The following PHC2 variants were observed in gnomAD, a reference collection of about 807,000 sequenced individuals.
The protein encoded by PHC2 is polyhomeotic homolog 2, also known as polyhomeotic-like protein 2.
PHC2 carries 29 observed loss-of-function variants against 87.4 expected under a neutral mutation model. The observed-to-expected ratio is 0.33, with a 90% confidence interval of 0.25 to 0.45. The LOEUF (loss-of-function observed/expected upper bound fraction) is 0.45. Ranked by LOEUF, PHC2 falls within the 20% of genes least tolerant of loss-of-function variation. The probability of loss-of-function intolerance (pLI) is 1.00; values close to 1 mark genes in which losing one functional copy is unlikely to be tolerated. For missense variants in PHC2, 857 were observed against 1,136.7 expected (o/e 0.75, Z 3.54); for synonymous variants, 438 against 461.7 (o/e 0.95, Z 0.66).
At chr1:33,399,597 C>A (rs1376715543) in intron 1 of PHC2, among the ~76,000 whole-genome samples, 2 of 152,160 alleles carry the variant, frequency 1.3e-5, no homozygotes, top group Non-Finnish European at 2.9e-5. Context: ...GTTTTCCAGG[C>A]CTTCACATAA....
At chr1:33,390,700 T>G (rs56304951) in intron 1 of PHC2, among the ~76,000 whole-genome samples, 1 of 140,430 alleles carries the variant, frequency 7.1e-6, no homozygotes, top group African/African-American at 2.5e-5. Context: ...TTTTTTTTTT[T>G]TCTCTGTAAA....
Position 33,382,865 on chromosome 1 carries a change from C to T in PHC2, c.-54-7272G>A, listed in dbSNP as rs1047018972. On this transcript the variant is annotated intron_variant, in intron 1 of 14. Transcript: ENST00000683057. The surrounding 1 kb of genome is among the most constrained non-coding windows in gnomAD (Gnocchi z 4.3). ...TGGATTACAGCTGTGACAGAGGTTC[C>T]GGGAAAGCAGAGGGGAAGGATACTG... is the stretch of plus-strand genomic sequence containing the variant. Among the ~76,000 whole-genome samples the T allele has an allele frequency of 3.3e-5, 5 of 152,106 alleles. No individual in the cohort carries two copies. Among genetic ancestry groups the T allele is most frequent in the Non-Finnish European group, 7.3e-5 (5 of 68,030 alleles).
chr1:33,333,826 C>G (rs1159999698), intron 10 of PHC2: 4 of 427,704 alleles, frequency 9.4e-6, no homozygotes, highest in Admixed American at 4.5e-5. Context: ...GTTCACACAT[C>G]AACAGGCAGG....
intron 14 of PHC2, 115 bp downstream of exon 14, chr1:33,328,755 A>G (rs1646425641): frequency 2.0e-6 from 2 of 994,184 alleles, no homozygotes; most frequent in East Asian, 4.8e-5. Context: ...TCTGCACCCC[A>G]GTTCCTGAAC....
At chr1:33,350,399 G>A (rs936567293) in intron 9 of PHC2, 3 of 152,252 alleles carry the variant, frequency 2.0e-5, no homozygotes, top group African/African-American at 7.2e-5. Flanking sequence ...GGCTGATTGA[G>A]GAAGTGGGTT....
At chr1:33,384,429 T>C (rs1648640881) in intron 1 of PHC2, among the ~76,000 whole-genome samples, 1 of 152,236 alleles carries the variant, frequency 6.6e-6, no homozygotes, top group African/African-American at 2.4e-5. Context: ...GAATTTGAGA[T>C]GGGAAGAGTT....
chr1:33,346,620 G>A, intron 9 of PHC2: 1 of 985,386 alleles, frequency 1.0e-6, no homozygotes, highest in Middle Eastern at 5.2e-4. Context: ...CAGCATTACA[G>A]GAACTGGAGT....
chr1:33,356,276 T>TATATATATAC (rs1557831073), intron 7 of PHC2, among the ~76,000 whole-genome samples: 3 of 59,472 alleles, frequency 5.0e-5, no homozygotes, highest in East Asian at 8.6e-4. Context: ...TATATATATA[T>TATATATATAC]GTATATATAT....
Position 33,349,792 on chromosome 1 carries a change from A to G in PHC2, c.1558+4609T>C, listed in dbSNP as rs1646926868. The G allele has an allele frequency of 1.0e-6, 1 of 976,700 alleles. No individual in the cohort carries two copies. Among genetic ancestry groups the G allele is most frequent in the Non-Finnish European group, 1.2e-6 (1 of 825,542 alleles). 60.5% of individuals were successfully genotyped at this position (976,700 alleles called of 1,614,324 possible). A position where few individuals can be genotyped will look rare whatever the true frequency, so the allele number is the denominator to read the frequency against. ...GTCAACAAAGGGCGGCCGGGGCGCG[A>G]GGCCGGGACGGGGGCGCGAGGCCGG... On this transcript the variant is annotated intron_variant, in intron 9 of 14. Coordinates refer to ENST00000683057, the MANE Select transcript of PHC2 (RefSeq NM_001385109.1). This position sits in a 1 kb window ranked among gnomAD's most constrained non-coding sequence, Gnocchi z 4.2.
Position 33,375,588 on chromosome 1 carries a change from C to T in PHC2, c.-49G>A. ...GGCGCTCGGATGGCAGAAGGGCAGG[C>T]AGATGCTAGGAGGGAAGAGGCAGAA... is the stretch of plus-strand genomic sequence containing the variant. On this transcript the variant is annotated 5_prime_UTR_variant, in exon 2 of 15. Coordinates refer to ENST00000683057, the MANE Select transcript of PHC2 (RefSeq NM_001385109.1). 1.4e-6 allele frequency: 2 copies of T among 1,423,942 alleles called. No homozygotes were observed. The highest frequency in any genetic ancestry group is 1.9e-6 in the Non-Finnish European group (2 of 1,077,446). The allele number at this position is 1,423,942 out of a possible 1,614,324, so 88.2% of individuals were successfully genotyped here. A position where few individuals can be genotyped will look rare whatever the true frequency, so the allele number is the denominator to read the frequency against.
Position 33,368,752 on chromosome 1 carries a change from C to T in PHC2, c.577-130G>A, listed in dbSNP as rs369318045. The stretch of plus-strand genomic sequence containing the variant: ...ATGTGGACTCAGCCACAGGACACAA[C>T]TGTTTAGCCCAGGAGCGGCTATGAG... On this transcript the variant is annotated intron_variant, in intron 5 of 14. Coordinates refer to ENST00000683057, the MANE Select transcript of PHC2 (RefSeq NM_001385109.1). The surrounding 1 kb of genome is among the most constrained non-coding windows in gnomAD (Gnocchi z 6.6). 1.4e-6 allele frequency: 1 copy of T among 711,108 alleles called. No individual in the cohort carries two copies. The highest frequency in any genetic ancestry group is 2.1e-5 in the Admixed American group (1 of 47,158). 44.0% of individuals were successfully genotyped at this position (711,108 alleles called of 1,614,324 possible).
At chr1:33,347,031 T>G in intron 9 of PHC2, 5 of 985,328 alleles carry the variant, frequency 5.1e-6, no homozygotes, top group Non-Finnish European at 3.6e-6. Flanking sequence ...TAACATGCCC[T>G]CTCCCCCTGA....
At chr1:33,325,367 C>T (rs1242947011) in intron 14 of PHC2, 1 of 218,404 alleles carries the variant, frequency 4.6e-6, no homozygotes, top group African/African-American at 2.3e-5. Flanking sequence ...ACTCTTCTGC[C>T]TGGGTTACTG....
At chr1:33,416,588 A>AC (rs1650219635) in intron 1 of PHC2, among the ~76,000 whole-genome samples, 2 of 150,664 alleles carry the variant, frequency 1.3e-5, no homozygotes. Flanking sequence ...AAAAAAGAAA[A>AC]AAAAAAAAAA....
chr1:33,375,619 T>A lies in PHC2; in HGVS notation c.-54-26A>T, dbSNP rs565346222. The A allele has an allele frequency of 3.0e-6, 4 of 1,348,224 alleles. No homozygotes were observed. In the South Asian group the frequency reaches 6.7e-5, roughly 23 times the overall value. The allele number at this position is 1,348,224 out of a possible 1,614,324, so 83.5% of individuals were successfully genotyped here. On this transcript the variant is annotated intron_variant, in intron 1 of 14. Transcript: ENST00000683057. The stretch of plus-strand genomic sequence containing the variant: ...CTAGGAGGGAAGAGGCAGAAGTGAA[T>A]GTTTTGACAGACGCTTACTAGAGAA...
chr1:33,422,670 T>C (rs1266764372), intron 1 of PHC2, among the ~76,000 whole-genome samples: 1 of 152,226 alleles, frequency 6.6e-6, no homozygotes, highest in East Asian at 1.9e-4. Context: ...CGGGCTTTAG[T>C]GTCACCATCT....
intron 1 of PHC2, among the ~76,000 whole-genome samples, chr1:33,376,713 G>A (rs1259505658): frequency 4.6e-5 from 7 of 152,164 alleles, no homozygotes; most frequent in African/African-American, 1.4e-4. Context: ...GGCAGATCAC[G>A]AGGTCAAGAG....
At chr1:33,340,499 T>C (rs571152889) in intron 9 of PHC2, among the ~76,000 whole-genome samples, 78 of 152,280 alleles carry the variant, frequency 5.1e-4, no homozygotes, top group Non-Finnish European at 9.7e-4. Flanking sequence ...AGCACATACC[T>C]GGTCCAAGCA....
chr1:33,388,641 T>G (rs899482510), intron 1 of PHC2, among the ~76,000 whole-genome samples: 2 of 152,060 alleles, frequency 1.3e-5, no homozygotes, highest in African/African-American at 4.8e-5. Flanking sequence ...TATGAAGAGT[T>G]ATTGGGAAAA....
Sources: gnomAD v4.1 joint callset for allele counts (sites outside exome capture counted in the v4.1 genomes callset) on GRCh38, gnomAD v4.1.1 for gene constraint, Gnocchi (gnomAD v3.1) non-coding constraint, MANE v1.5 for transcripts, NCBI Gene and HGNC (gene_info 2026-07-23, HGNC 2026-07-21) for gene names.